Variants in CD163L1 observed in about 807,000 individuals in gnomAD.
CD163L1 encodes CD163 molecule like 1, also known as scavenger receptor cysteine-rich type 1 protein M160.
In CD163L1, 124 loss-of-function variants were observed where a neutral mutation model predicts 165.4. The ratio of observed to expected loss-of-function variants is 0.75; its 90% CI spans 0.65 to 0.87. The LOEUF is 0.87. Among genes scored for constraint, CD163L1 ranks in the 40% least tolerant of loss-of-function variants. CD163L1 has a pLI of 0.00. For missense variants in CD163L1, 1,525 were observed against 1,799.9 expected, an observed-to-expected ratio of 0.85 and a Z score of 2.76; for synonymous variants, 585 against 662.2, an observed-to-expected ratio of 0.88 and a Z score of 1.79.
In CD163L1 at chr12:7,398,368, T is replaced by C; in HGVS notation, c.1625A>G (p.Asp542Gly). Residue 542 changes from aspartate to glycine, a missense_variant, in exon 7 of 20, where the codon GAC (aspartate) becomes GGC (glycine). By Grantham distance (94) the Asp-to-Gly change is moderately conservative. Transcript: ENST00000313599. This position sits in a 1 kb window ranked among gnomAD's most constrained non-coding sequence, Gnocchi z 4.5. Reference protein sequence around the residue: ...KEASGPIWLDDVSCIGNESNI... With the variant: ...KEASGPIWLDGVSCIGNESNI... The stretch of plus-strand genomic sequence containing the variant: ...TGACTCATTTCCAATGCAAGAAACG[T>C]CATCCAGCCAAATAGGTCCTGATGC... 6.2e-7 allele frequency: 1 copy of C among 1,614,142 alleles called. No homozygotes were observed. Among genetic ancestry groups the C allele is most frequent in the Non-Finnish European group, 8.5e-7 (1 of 1,180,002 alleles).
chr12:7,334,839 C>T, the CD163L1 span, among the ~76,000 whole-genome samples: 1 of 152,156 alleles, frequency 6.6e-6, no homozygotes, highest in African/African-American at 2.4e-5. Context: ...CATTCTTATA[C>T]ACCAATAACA....
At chr12:7,433,201 A>G in intron 3 of CD163L1, 173 bp downstream of exon 3, 1 of 524,952 alleles carries the variant, frequency 1.9e-6, no homozygotes, top group East Asian at 3.1e-5. Context: ...TAGTTATAAA[A>G]AGAAAAGCAA....
In CD163L1 at chr12:7,375,582, G is replaced by C. The variant is rs757923669; in HGVS notation, c.2700C>G (p.Val900=). 1 of 1,612,616 alleles carries C rather than the reference G, an allele frequency of 6.2e-7. No homozygotes were observed. The highest frequency in any genetic ancestry group is 1.3e-5 in the African/African-American group (1 of 75,002). ...VGVVCSRYTD[V]RLVNGKSQCD... ...ACTGGGATTTGCCATTCACAAGTCG[G>C]ACATCTGTATATCCTAGGAGGAGAC... The change falls in exon 11 of 20, where the codon GTC becomes GTG. Residue 900 remains valine, a synonymous_variant. Coordinates refer to ENST00000313599, the MANE Select transcript of CD163L1 (RefSeq NM_174941.6).
chr12:7,346,409 G>A (rs1478922588), downstream of CD163L1, among the ~76,000 whole-genome samples: 3 of 151,898 alleles, frequency 2.0e-5, no homozygotes, highest in East Asian at 1.9e-4. Context: ...GCTTGTGTGT[G>A]TCTTTCCTAT....
chr12:7,392,358 G>T (rs1328461012), intron 8 of CD163L1, among the ~76,000 whole-genome samples: 3 of 152,072 alleles, frequency 2.0e-5, no homozygotes, highest in Non-Finnish European at 4.4e-5. Context: ...CAGAAATAAA[G>T]ATGTTCTTTG....
chr12:7,373,754 TCATAAATCA>T, intron 13 of CD163L1, 114 bp from the exon 14 acceptor site: 6 of 854,738 alleles, frequency 7.0e-6, no homozygotes, highest in Non-Finnish European at 1.1e-5. Flanking sequence ...CAATACAATT[TCATAAATCA>T]CTCTAACATA....
intron 4 of CD163L1, among the ~76,000 whole-genome samples, chr12:7,419,645 G>T (rs1948311046): frequency 6.6e-6 from 1 of 151,916 alleles, no homozygotes; most frequent in African/African-American, 2.4e-5. Flanking sequence ...ACTGATAAAA[G>T]AATTCAGCAA....
At chr12:7,391,238 T>C (rs1947647700) in intron 8 of CD163L1, among the ~76,000 whole-genome samples, 1 of 152,004 alleles carries the variant, frequency 6.6e-6, no homozygotes, top group Non-Finnish European at 1.5e-5. Context: ...AGACCAAAGG[T>C]AGATAAAACT....
chr12:7,346,627 G>T (rs1248397497), downstream of CD163L1: 2 of 152,120 alleles, frequency 1.3e-5, no homozygotes. Flanking sequence ...AATTCAAGGA[G>T]ACCAAGAGCT....
intron 1 of CD163L1, among the ~76,000 whole-genome samples, chr12:7,443,658 CAGTT>C (rs1382466266): frequency 4.6e-5 from 7 of 152,282 alleles, no homozygotes; most frequent in Non-Finnish European, 1.0e-4. Flanking sequence ...TTACATAAGT[CAGTT>C]AGTCCTTATA....
the CD163L1 span, among the ~76,000 whole-genome samples, chr12:7,339,453 T>C: frequency 6.6e-6 from 1 of 152,044 alleles, no homozygotes. Flanking sequence ...AAAAAAACAG[T>C]GAGATAAAGA....
chr12:7,385,695 A>C (rs1379118389), intron 8 of CD163L1, among the ~76,000 whole-genome samples: 1 of 152,072 alleles, frequency 6.6e-6, no homozygotes, highest in Non-Finnish European at 1.5e-5. Context: ...TTGGAAATCA[A>C]CGACAAGATA....
chr12:7,353,071 G>T (rs1254288201), downstream of CD163L1, among the ~76,000 whole-genome samples: 2 of 151,416 alleles, frequency 1.3e-5, no homozygotes, highest in Admixed American at 1.3e-4. Context: ...CATATTTAAA[G>T]AATTAAAGAA....
At chr12:7,421,499 G>C (rs111219548) in intron 4 of CD163L1, among the ~76,000 whole-genome samples, 7 of 88,536 alleles carry the variant, frequency 7.9e-5, no homozygotes, top group Non-Finnish European at 1.3e-4. Context: ...ATACATATAT[G>C]TACATATACA....
At chr12:7,440,190 G>T (rs1374777547) in intron 2 of CD163L1, among the ~76,000 whole-genome samples, 1 of 152,208 alleles carries the variant, frequency 6.6e-6, no homozygotes, top group Non-Finnish European at 1.5e-5. Flanking sequence ...CGGCCAGGGC[G>T]GACACTTAAC....
chr12:7,436,638 G>T (rs921005321), intron 2 of CD163L1, among the ~76,000 whole-genome samples: 1 of 151,866 alleles, frequency 6.6e-6, no homozygotes, highest in South Asian at 2.1e-4. Context: ...TGGGTATAGT[G>T]GCACACATCT....
intron 18 of CD163L1, among the ~76,000 whole-genome samples, chr12:7,366,484 C>T (rs1371150816): frequency 6.6e-6 from 1 of 151,924 alleles, no homozygotes; most frequent in Non-Finnish European, 1.5e-5. Context: ...TATGAATGTA[C>T]TAAATTATCA....
At chr12:7,363,585 A>C (rs1358563864) in intron 18 of CD163L1, among the ~76,000 whole-genome samples, 1 of 151,940 alleles carries the variant, frequency 6.6e-6, no homozygotes, top group Non-Finnish European at 1.5e-5. Context: ...AGAAATGAAA[A>C]GGTAGACATA....
chr12:7,394,895 T>A (rs776917101), intron 8 of CD163L1, among the ~76,000 whole-genome samples: 18 of 152,220 alleles, frequency 1.2e-4, no homozygotes, highest in Non-Finnish European at 2.4e-4. Context: ...CACAGTGAGA[T>A]ACCATCTCAC....
Sources: gnomAD v4.1 joint callset for allele counts (sites outside exome capture counted in the v4.1 genomes callset) on GRCh38, gnomAD v4.1.1 for gene constraint, Gnocchi (gnomAD v3.1) non-coding constraint, MANE v1.5 for transcripts, NCBI Gene and HGNC (gene_info 2026-07-23, HGNC 2026-07-21) for gene names.